Variants in LPCAT2 observed in about 807,000 individuals in gnomAD.
LPCAT2 encodes the protein 1-AGP acyltransferase 11.
Under a neutral mutation model 64.7 loss-of-function variants are expected in LPCAT2, and 58 were observed. That is an observed-to-expected ratio of 0.90 (90% CI 0.73 to 1.12). The LOEUF (loss-of-function observed/expected upper bound fraction) is 1.12, where lower values mean the gene tolerates loss of function less well. LPCAT2 is among the 50% of genes most tolerant of loss of function. The pLI is 0.00. For synonymous variants in LPCAT2, 252 were observed against 245.3 expected (o/e 1.03, Z -0.26); for missense variants, 579 against 669.8 (o/e 0.86, Z 1.50).
At chr16:55,548,861 C>T (rs1440366561) in intron 9 of LPCAT2, among the ~76,000 whole-genome samples, 1 of 152,024 alleles carries the variant, frequency 6.6e-6, no homozygotes, top group African/African-American at 2.4e-5. Context: ...CTTTTTTTGT[C>T]CTTACTATAA....
Position 55,574,639 on chromosome 16 carries a change from T to C in LPCAT2, c.1224T>C (p.Asp408=). 1.2e-5 allele frequency: 20 copies of C among 1,612,410 alleles called. No individual in the cohort carries two copies. Among genetic ancestry groups the C allele is most frequent in the East Asian group, 2.2e-5 (1 of 44,850 alleles). The part of the protein sequence containing the change: ...QLFALFDRNH[D]GSIDFREYVI... The stretch of plus-strand genomic sequence containing the variant: ...ATCCCATCCTTTCACAGAACCATGA[T>C]GGCAGCATTGACTTCCGAGAGTATG... Residue 408 remains aspartate (D), a synonymous_variant, in exon 12 of 14, where the codon GAT becomes GAC. Transcript: ENST00000262134.
intron 9 of LPCAT2, among the ~76,000 whole-genome samples, chr16:55,546,483 T>G (rs1383154743): frequency 2.0e-5 from 3 of 152,172 alleles, no homozygotes; most frequent in African/African-American, 7.2e-5. Context: ...TTGGAGCTAA[T>G]AGACCAGCAG....
chr16:55,564,557 T>G (rs1288241513), intron 11 of LPCAT2, among the ~76,000 whole-genome samples: 1 of 151,994 alleles, frequency 6.6e-6, no homozygotes, highest in Non-Finnish European at 1.5e-5. Flanking sequence ...TATGGTCATA[T>G]GATTTTCAGC....
chr16:55,522,016 T>C (rs543627638), intron 1 of LPCAT2, among the ~76,000 whole-genome samples: 9 of 113,534 alleles, frequency 7.9e-5, no homozygotes, highest in Admixed American at 2.8e-4. Context: ...GAAAAAGAAA[T>C]AAAAGACATA....
chr16:55,581,301 A>AT (rs1406095888), intron 13 of LPCAT2, among the ~76,000 whole-genome samples: 1 of 152,102 alleles, frequency 6.6e-6, no homozygotes, highest in African/African-American at 2.4e-5. Flanking sequence ...ATCTATTTTT[A>AT]TTTTTTTCTA....
At chr16:55,525,391 A>C (rs1963155102) in intron 1 of LPCAT2, 117 bp from the exon 2 acceptor site, 1 of 813,322 alleles carries the variant, frequency 1.2e-6, no homozygotes, top group Non-Finnish European at 1.9e-6. Context: ...CTAGTAGTCA[A>C]TTCATCCTTG....
intron 5 of LPCAT2, chr16:55,532,579 T>C (rs1963268056): frequency 9.1e-6 from 2 of 219,170 alleles, no homozygotes; most frequent in Admixed American, 1.1e-4. Context: ...AATAAATCAA[T>C]GAATAAACAA....
At chr16:55,562,739 G>C (rs1405780530) in intron 11 of LPCAT2, among the ~76,000 whole-genome samples, 1 of 151,670 alleles carries the variant, frequency 6.6e-6, no homozygotes, top group Admixed American at 6.6e-5. Context: ...AGTAAGCAAG[G>C]GCGATATTAT....
chr16:55,539,176 G>A (rs1963364230), intron 8 of LPCAT2: 1 of 151,334 alleles, frequency 6.6e-6, no homozygotes, highest in Non-Finnish European at 1.5e-5. Context: ...TTACAACAGA[G>A]GTATTCAGAT....
At chr16:55,545,920 G>A (rs1963449101) in intron 9 of LPCAT2, 103 bp downstream of exon 9, 15 of 743,082 alleles carry the variant, frequency 2.0e-5, no homozygotes, top group Non-Finnish European at 3.4e-5. Flanking sequence ...TGAAGGCCTC[G>A]TTCCCCAATT....
intron 7 of LPCAT2, among the ~76,000 whole-genome samples, chr16:55,535,016 A>G (rs1372480984): frequency 6.6e-6 from 1 of 152,230 alleles, no homozygotes; most frequent in Admixed American, 6.5e-5. Context: ...AGAGGAATAC[A>G]GTTTCATTAT....
intron 11 of LPCAT2, among the ~76,000 whole-genome samples, chr16:55,569,037 G>A (rs78984976): frequency 6.6e-6 from 1 of 152,116 alleles, no homozygotes; most frequent in East Asian, 1.9e-4. Flanking sequence ...TACTTTGGAG[G>A]GTCATCCCGA....
chr16:55,537,758 C>A, intron 8 of LPCAT2, 126 bp downstream of exon 8: 1 of 711,016 alleles, frequency 1.4e-6, no homozygotes, highest in Non-Finnish European at 2.4e-6. Context: ...TGTATATAAA[C>A]CTAGGCTGTC....
Position 55,549,357 on chromosome 16 carries a change from T to C in LPCAT2, c.1016T>C (p.Met339Thr). The C allele has an allele frequency of 6.2e-7, 1 of 1,603,750 alleles. No individual in the cohort carries two copies. The highest frequency in any genetic ancestry group is 8.5e-7 in the Non-Finnish European group (1 of 1,176,474). The change falls in exon 10 of 14, where the codon ATG (methionine) becomes ACG (threonine). Residue 339 changes from methionine (M) to threonine (T), a missense_variant. Coordinates refer to ENST00000262134, the MANE Select transcript of LPCAT2 (RefSeq NM_017839.5). ...MISAGQLTLP[M>T]EAGLVEFTKI... ...TCAGCAGGACAGCTAACATTGCCTA[T>C]GGAAGCTGGGCTGGTGGAATTTACT...
At chr16:55,537,279 T>C (rs1367422464) in intron 7 of LPCAT2, among the ~76,000 whole-genome samples, 1 of 151,956 alleles carries the variant, frequency 6.6e-6, no homozygotes, top group Non-Finnish European at 1.5e-5. Context: ...TAGTCTCAGC[T>C]ACTTGGGAGG....
intron 8 of LPCAT2, 84 bp downstream of exon 8, chr16:55,537,716 T>G: frequency 1.8e-6 from 2 of 1,103,038 alleles, no homozygotes; most frequent in Non-Finnish European, 2.7e-6. Context: ...AGACCAGATA[T>G]AAAGGTCCAT....
chr16:55,519,771 G>T lies in LPCAT2; in HGVS notation c.172-5737G>T, dbSNP rs113871731. Among the ~76,000 whole-genome samples the T allele has an allele frequency of 5.5e-3, 841 of 152,252 alleles. 8 individuals carry two copies. Among genetic ancestry groups the T allele is most frequent in the African/African-American group, 0.019 (803 of 41,554 alleles). ...AACATAACAATACTGAAAGAGTGGT[G>T]GATGGGATGGAATTGTACTTTTCTT... On this transcript the variant is annotated intron_variant, in intron 1 of 13. Coordinates refer to ENST00000262134, the MANE Select transcript of LPCAT2 (RefSeq NM_017839.5).
At chr16:55,527,863 T>C (rs1224566646) in intron 2 of LPCAT2, among the ~76,000 whole-genome samples, 1 of 152,202 alleles carries the variant, frequency 6.6e-6, no homozygotes, top group Non-Finnish European at 1.5e-5. Context: ...ATTCCTAAAA[T>C]AATTCTGAGA....
chr16:55,513,310 A>G (rs555231191), intron 1 of LPCAT2, among the ~76,000 whole-genome samples: 42 of 152,296 alleles, frequency 2.8e-4, no homozygotes, highest in African/African-American at 1.0e-3. Flanking sequence ...TCAAAACTGA[A>G]AACTGTTATA....
Sources: gnomAD v4.1 joint callset for allele counts (sites outside exome capture counted in the v4.1 genomes callset) on GRCh38, gnomAD v4.1.1 for gene constraint, MANE v1.5 for transcripts, NCBI Gene and HGNC (gene_info 2026-07-23, HGNC 2026-07-21) for gene names.